The following ETV7 variants were observed in gnomAD, a reference collection of about 807,000 sequenced individuals.
The protein encoded by ETV7 is transcription factor ETV7.
In ETV7, 43 loss-of-function variants were observed where a neutral mutation model predicts 39.1. The observed-to-expected ratio is 1.10, with a 90% confidence interval of 0.86 to 1.42. The LOEUF (loss-of-function observed/expected upper bound fraction) is 1.42, where lower values mean the gene tolerates loss of function less well. Ranked by LOEUF, ETV7 falls within the 40% of genes most tolerant of loss-of-function variation. ETV7 has a pLI of 0.00. For synonymous variants in ETV7, 196 were observed against 176.6 expected, an observed-to-expected ratio of 1.11 and a Z score of -0.87; for missense variants, 432 against 442.3, an observed-to-expected ratio of 0.98 and a Z score of 0.21.
intron 2 of ETV7, among the ~76,000 whole-genome samples, chr6:36,376,605 A>G (rs567006444): frequency 2.4e-4 from 36 of 152,124 alleles, no homozygotes; most frequent in Non-Finnish European, 4.4e-4. Context: ...GTGAAACCCC[A>G]TCTCTACTAA....
chr6:36,376,645 A>C (rs7758427), intron 2 of ETV7, among the ~76,000 whole-genome samples: 1 of 151,942 alleles, frequency 6.6e-6, no homozygotes, highest in East Asian at 1.9e-4. Flanking sequence ...GCATGGTGGC[A>C]TGCACCTGTA....
intron 2 of ETV7, among the ~76,000 whole-genome samples, chr6:36,380,307 C>G (rs989005876): frequency 2.0e-5 from 3 of 152,220 alleles, no homozygotes; most frequent in Admixed American, 6.5e-5. Flanking sequence ...GCCTCTCCCT[C>G]TCTTGGCAAT....
Position 36,369,229 on chromosome 6 carries a change from C to T in ETV7, c.665-158G>A, listed in dbSNP as rs1772883278. Among the ~76,000 whole-genome samples, 3 of 152,222 alleles carry T rather than the reference C, an allele frequency of 2.0e-5. No homozygotes were observed. The South Asian group carries it at 6.2e-4, about 31-fold the overall frequency. On this transcript the variant is annotated intron_variant, in intron 5 of 7. Coordinates refer to ENST00000340181, the MANE Select transcript of ETV7 (RefSeq NM_016135.4). Reference sequence around the variant, plus strand: ...TCAACAGAAACAGCCACTAATGGGGCTCCTCACGCATTGTCTCAGGCAGTC... The same window carrying T: ...TCAACAGAAACAGCCACTAATGGGGTTCCTCACGCATTGTCTCAGGCAGTC...
At chr6:36,363,835 TAC>T, downstream of ETV7, among the ~76,000 whole-genome samples, 1 of 152,190 alleles carries the variant, frequency 6.6e-6, no homozygotes, top group African/African-American at 2.4e-5. Context: ...AGTAGCTAGA[TAC>T]AGAGTGTCGA....
chr6:36,367,310 G>A (rs1772775598), intron 6 of ETV7, among the ~76,000 whole-genome samples: 1 of 152,096 alleles, frequency 6.6e-6, no homozygotes, highest in Non-Finnish European at 1.5e-5. Flanking sequence ...AGGCGTGATG[G>A]TGCGTGCCTG....
In ETV7 at chr6:36,375,867, T is replaced by C. The variant is rs1370233754; in HGVS notation, c.307+4A>G. 1.2e-6 allele frequency: 2 copies of C among 1,613,924 alleles called. No homozygotes were observed. Among genetic ancestry groups the C allele is most frequent in the Admixed American group, 1.7e-5 (1 of 60,014 alleles). On this transcript the variant is annotated splice_donor_region_variant and intron_variant, in intron 3 of 7. Coordinates refer to ENST00000340181, the MANE Select transcript of ETV7 (RefSeq NM_016135.4). ...TTAGAGGAAAGCCTGTGCGTTTCCCTGACCTGAGCTGGGCGCACGGTGCCG... is the reference window on the plus strand; with the variant it reads ...TTAGAGGAAAGCCTGTGCGTTTCCCCGACCTGAGCTGGGCGCACGGTGCCG...
At chr6:36,362,160 C>T (rs1353003425), downstream of ETV7, among the ~76,000 whole-genome samples, 9 of 152,196 alleles carry the variant, frequency 5.9e-5, no homozygotes, top group East Asian at 9.7e-4. Context: ...TAGCCAGGCG[C>T]GGTGGCGGGC....
At chr6:36,361,400 T>C (rs190711868), downstream of ETV7, among the ~76,000 whole-genome samples, 1 of 152,356 alleles carries the variant, frequency 6.6e-6, no homozygotes, top group Non-Finnish European at 1.5e-5. Context: ...GTGTTTTCTG[T>C]GTGTCTCTAC....
chr6:36,361,526 CCCCAGCATCAG>C (rs1380393217), downstream of ETV7, among the ~76,000 whole-genome samples: 1 of 152,174 alleles, frequency 6.6e-6, no homozygotes, highest in Admixed American at 6.5e-5. Context: ...GAGGATGGGT[CCCCAGCATCAG>C]CCCAGGCTTC....
intron 2 of ETV7, among the ~76,000 whole-genome samples, chr6:36,381,384 C>T (rs1348787320): frequency 6.6e-6 from 1 of 151,890 alleles, no homozygotes; most frequent in Non-Finnish European, 1.5e-5. Flanking sequence ...GCGGAGATAA[C>T]AAAAAAAGCT....
At position 36,366,258 on chromosome 6, in the gene ETV7, T is replaced by A; in HGVS notation, c.*387A>T. The A allele has an allele frequency of 1.5e-5, 16 of 1,051,490 alleles. No homozygotes were observed. The highest frequency in any genetic ancestry group is 1.8e-5 in the Non-Finnish European group (16 of 870,334). The allele number at this position is 1,051,490 out of a possible 1,614,324, so 65.1% of individuals were successfully genotyped here. On this transcript the variant is annotated 3_prime_UTR_variant, in exon 8 of 8. Coordinates refer to ENST00000340181, the MANE Select transcript of ETV7 (RefSeq NM_016135.4). ...GCCGCCTGGAAGCACTAACACTTTTTCCCATTTCCTGCCTCAGCCCATTTC... is the reference window on the plus strand; with the variant it reads ...GCCGCCTGGAAGCACTAACACTTTTACCCATTTCCTGCCTCAGCCCATTTC...
At chr6:36,364,471 C>G (rs528728804), downstream of ETV7, among the ~76,000 whole-genome samples, 1 of 152,260 alleles carries the variant, frequency 6.6e-6, no homozygotes, top group Non-Finnish European at 1.5e-5. Context: ...GCCGCTGGCC[C>G]GGGTGCTAAG....
intron 3 of ETV7, among the ~76,000 whole-genome samples, chr6:36,375,320 C>T (rs1355678313): frequency 6.6e-6 from 1 of 152,116 alleles, no homozygotes; most frequent in Non-Finnish European, 1.5e-5. Flanking sequence ...TCCTGGAAGG[C>T]CCTGCTGCCC....
chr6:36,367,261 G>A (rs761751081), intron 6 of ETV7, among the ~76,000 whole-genome samples: 5 of 152,124 alleles, frequency 3.3e-5, no homozygotes, highest in Non-Finnish European at 7.3e-5. Context: ...TGGCCAACAT[G>A]GTGAAACCCT....
At position 36,371,495 on chromosome 6, in the gene ETV7, G is replaced by A. The variant is rs1323433693; in HGVS notation, c.499C>T (p.Leu167Phe). The A allele has an allele frequency of 1.2e-6, 2 of 1,606,506 alleles. No homozygotes were observed. The highest frequency in any genetic ancestry group is 8.5e-7 in the Non-Finnish European group (1 of 1,176,676). Residue 167 changes from leucine to phenylalanine, a missense_variant, in exon 5 of 8, where the codon CTT becomes TTT. By Grantham distance (22) the Leu-to-Phe change is conservative. Transcript: ENST00000340181. Reference sequence around the variant, plus strand: ...TCCAGGTGGCCGAAGTTGCTGGTAAGCCCTGGGTCTGGTGGCTGCAGCAGG... The same window carrying A: ...TCCAGGTGGCCGAAGTTGCTGGTAAACCCTGGGTCTGGTGGCTGCAGCAGG... ...GHLLQPPDPG[L>F]TSNFGHLDDP...
At chr6:36,372,917 A>G (rs1773104716) in intron 4 of ETV7, among the ~76,000 whole-genome samples, 1 of 151,680 alleles carries the variant, frequency 6.6e-6, no homozygotes, top group Non-Finnish European at 1.5e-5. Flanking sequence ...GAATGCAGAT[A>G]GAGAAGCAGA....
chr6:36,358,430 G>A (rs368573802), intron 7 of ETV7, among the ~76,000 whole-genome samples: 1 of 152,150 alleles, frequency 6.6e-6, no homozygotes. Flanking sequence ...ATTACTCACT[G>A]GTCAGTCAGG....
At chr6:36,381,360 T>C (rs1388817496) in intron 2 of ETV7, among the ~76,000 whole-genome samples, 8 of 152,222 alleles carry the variant, frequency 5.3e-5, no homozygotes, top group Non-Finnish European at 1.2e-4. Flanking sequence ...TGGCCCAGTT[T>C]ACACAACTGT....
chr6:36,363,757 G>A (rs1170950608), downstream of ETV7, among the ~76,000 whole-genome samples: 1 of 146,464 alleles, frequency 6.8e-6, no homozygotes, highest in African/African-American at 2.5e-5. Flanking sequence ...AGACACAAAG[G>A]TTCTCCACCT....
Sources: gnomAD v4.1 joint callset for allele counts (sites outside exome capture counted in the v4.1 genomes callset) on GRCh38, gnomAD v4.1.1 for gene constraint, MANE v1.5 for transcripts, NCBI Gene and HGNC (gene_info 2026-07-23, HGNC 2026-07-21) for gene names.